Variants in AGXT2 observed in about 807,000 individuals in gnomAD.
The protein encoded by AGXT2 is alanine--glyoxylate aminotransferase 2, mitochondrial.
Under a neutral mutation model 62.5 loss-of-function variants are expected in AGXT2, and 61 were observed. The ratio of observed to expected loss-of-function variants is 0.98; its 90% confidence interval spans 0.79 to 1.21. The LOEUF is 1.21. Ranked by LOEUF, AGXT2 falls within the 50% of genes most tolerant of loss-of-function variation. The probability of loss-of-function intolerance (pLI) is 0.00; values close to 1 mark genes in which losing one functional copy is unlikely to be tolerated. For synonymous variants in AGXT2, 243 were observed against 218.7 expected, an observed-to-expected ratio of 1.11 and a Z score of -0.98; for missense variants, 666 against 641.5, an observed-to-expected ratio of 1.04 and a Z score of -0.41.
chr5:35,024,365 A>C lies in AGXT2; in HGVS notation c.963+1398T>G, dbSNP rs540483353. Among the ~76,000 whole-genome samples, 38 of 152,276 alleles carry C rather than the reference A, an allele frequency of 2.5e-4. No individual in the cohort carries two copies. In the East Asian group the frequency reaches 7.1e-3, roughly 29 times the overall value. On this transcript the variant is annotated intron_variant, in intron 9 of 13. Coordinates refer to ENST00000231420, the MANE Select transcript of AGXT2 (RefSeq NM_031900.4). ...AGACATGGCTTCGGTGGCCCTAGTG[A>C]TCATCCTCTGGTCTTTTAATCTCCA... is the stretch of plus-strand genomic sequence containing the variant.
intron 1 of AGXT2, among the ~76,000 whole-genome samples, chr5:35,044,355 G>C (rs1768103537): frequency 6.6e-6 from 1 of 152,164 alleles, no homozygotes; most frequent in East Asian, 1.9e-4. Flanking sequence ...TTCACACATG[G>C]GGCCGCAGTC....
Position 35,013,060 on chromosome 5 carries a change from TAGA to T in AGXT2, c.1097-18_1097-16del. On this transcript the variant is annotated splice_polypyrimidine_tract_variant and intron_variant, in intron 10 of 13. Transcript: ENST00000231420. ...TTTGGCAATCTCTAGAGGGAGAAAA[TAGA>T]AGGTGTGGAAAGAGGGACACATTCC... 6.5e-7 allele frequency: 1 copy of T among 1,550,266 alleles called. No homozygotes were observed. The highest frequency in any genetic ancestry group is 8.7e-7 in the Non-Finnish European group (1 of 1,145,798).
chr5:35,015,849 C>CAAAAAAAA (rs557021858), intron 9 of AGXT2, among the ~76,000 whole-genome samples: 1 of 69,492 alleles, frequency 1.4e-5, no homozygotes, highest in African/African-American at 6.2e-5. Flanking sequence ...GACTCCATCT[C>CAAAAAAAA]AAAAAAAAAA....
chr5:35,036,898 T>C (rs747086385), intron 4 of AGXT2, 44 bp downstream of exon 4: 2 of 1,612,732 alleles, frequency 1.2e-6, no homozygotes, highest in African/African-American at 2.7e-5. Context: ...CATACCTTTT[T>C]TTTTCCCCCA....
chr5:35,032,774 C>T lies in AGXT2; in HGVS notation c.727G>A (p.Asp243Asn), dbSNP rs1172712883. Reference sequence around the variant, plus strand: ...TTCCTGATTGTTTGCACTGGAGAATCTCGACAGTGGCTTCCTCCCCAAGGG... The same window carrying T: ...TTCCTGATTGTTTGCACTGGAGAATTTCGACAGTGGCTTCCTCCCCAAGGG... ...RGPWGGSHCR[D>N]SPVQTIRKCS... The change falls in exon 7 of 14, where the codon GAT becomes AAT. Residue 243 changes from aspartate (D) to asparagine (N), a missense_variant. Transcript: ENST00000231420. 1 of 1,609,978 alleles carries T rather than the reference C, an allele frequency of 6.2e-7. No homozygotes were observed. Among genetic ancestry groups the T allele is most frequent in the Non-Finnish European group, 8.5e-7 (1 of 1,178,098 alleles).
chr5:35,035,796 G>C (rs1274605773), intron 4 of AGXT2, among the ~76,000 whole-genome samples: 1 of 152,190 alleles, frequency 6.6e-6, no homozygotes. Context: ...AAGTAAACAA[G>C]CCGGGTGCGG....
chr5:35,043,345 G>T (rs1768058497), intron 1 of AGXT2, among the ~76,000 whole-genome samples: 1 of 152,200 alleles, frequency 6.6e-6, no homozygotes, highest in South Asian at 2.1e-4. Flanking sequence ...AATATGCAGT[G>T]GACACAGTGT....
chr5:35,019,670 A>G (rs371427950), intron 9 of AGXT2, among the ~76,000 whole-genome samples: 28 of 152,300 alleles, frequency 1.8e-4, no homozygotes, highest in Middle Eastern at 3.4e-3. Flanking sequence ...AAGAACTAGA[A>G]AAGCAAGAGA....
At chr5:35,047,068 CTTG>C (rs1477944382) in intron 1 of AGXT2, among the ~76,000 whole-genome samples, 1 of 152,180 alleles carries the variant, frequency 6.6e-6, no homozygotes, top group Non-Finnish European at 1.5e-5. Context: ...AATCACAGCA[CTTG>C]TTGGCAATTG....
At chr5:35,032,190 G>T (rs189268719) in intron 7 of AGXT2, among the ~76,000 whole-genome samples, 2 of 151,710 alleles carry the variant, frequency 1.3e-5, no homozygotes, top group East Asian at 3.9e-4. Context: ...GACCTCAGGT[G>T]ATCTGCCCGC....
chr5:35,037,398 T>C (rs1312026442), intron 3 of AGXT2, among the ~76,000 whole-genome samples: 1 of 152,198 alleles, frequency 6.6e-6, no homozygotes, highest in Non-Finnish European at 1.5e-5. Context: ...TTTTGAAGAG[T>C]TTGGAAAAAG....
rs975949703 is a variant in AGXT2 at position 34,998,624 on chromosome 5, C to G, written c.*95G>C. On this transcript the variant is annotated 3_prime_UTR_variant, in exon 14 of 14. Transcript: ENST00000231420. ...GCTCCTGTGGAGAGCTGCAGGCTTTCTCTGGATACCAGTGGTTCTGAAATT... is the reference window on the plus strand; with the variant it reads ...GCTCCTGTGGAGAGCTGCAGGCTTTGTCTGGATACCAGTGGTTCTGAAATT... 3 of 1,001,490 alleles carry G rather than the reference C, an allele frequency of 3.0e-6. No individual in the cohort carries two copies. The highest frequency in any genetic ancestry group is 4.6e-6 in the Non-Finnish European group (3 of 648,120). The allele number at this position is 1,001,490 out of a possible 1,614,324, so 62.0% of individuals were successfully genotyped here. A position where few individuals can be genotyped will look rare whatever the true frequency, so the allele number is the denominator to read the frequency against.
At chr5:35,042,089 C>T (rs1429330600) in intron 1 of AGXT2, among the ~76,000 whole-genome samples, 1 of 152,160 alleles carries the variant, frequency 6.6e-6, no homozygotes, top group African/African-American at 2.4e-5. Flanking sequence ...TCTTCAGTCT[C>T]ATTTTTCTAT....
intron 9 of AGXT2, among the ~76,000 whole-genome samples, chr5:35,024,172 T>C (rs1374645700): frequency 6.6e-6 from 1 of 152,098 alleles, no homozygotes; most frequent in Admixed American, 6.6e-5. Flanking sequence ...GGATGACAGA[T>C]GTGAGCCACT....
rs867774495 is a variant in AGXT2, at chr5:35,037,049, C to T, written c.379G>A (p.Ala127Thr). Reference sequence around the variant, plus strand: ...CACAGGCGGCCGAGCTGCTTTTGTGCCACTGCATTCACCTTTCTGGATAAG... The same window carrying T: ...CACAGGCGGCCGAGCTGCTTTTGTGTCACTGCATTCACCTTTCTGGATAAG... ...GHCHPKVNAV[A>T]QKQLGRLWHT... Residue 127 changes from alanine (A) to threonine (T), a missense_variant, in exon 4 of 14, where the codon GCA (alanine) becomes ACA (threonine). Ala to Thr is a moderately conservative substitution (Grantham distance 58, BLOSUM62 0). Transcript: ENST00000231420. 2 of 1,614,140 alleles carry T rather than the reference C, an allele frequency of 1.2e-6. No individual in the cohort carries two copies. Among genetic ancestry groups the T allele is most frequent in the Non-Finnish European group, 1.7e-6 (2 of 1,180,004 alleles).
At chr5:35,028,607 GAGAGAGAGAGAGAAA>G (rs761922154) in intron 7 of AGXT2, among the ~76,000 whole-genome samples, 8,748 of 74,546 alleles carry the variant, frequency 0.12, 1,082 homozygotes, top group East Asian at 0.26. Flanking sequence ...GAGAGAGAGA[GAGAGAGAGAGAGAAA>G]TTCTTCTACT....
intron 13 of AGXT2, among the ~76,000 whole-genome samples, chr5:35,000,922 A>G (rs1166198011): frequency 6.6e-6 from 1 of 152,216 alleles, no homozygotes. Context: ...ATTGTACATC[A>G]AGTATCTATA....
chr5:35,015,849 CAAAAAAAAAAAA>C (rs557021858), intron 9 of AGXT2, among the ~76,000 whole-genome samples: 1 of 69,516 alleles, frequency 1.4e-5, no homozygotes, highest in African/African-American at 6.2e-5. Context: ...GACTCCATCT[CAAAAAAAAAAAA>C]AAAAAAAAAA....
chr5:35,047,819 T>G lies in AGXT2; in HGVS notation c.74A>C (p.His25Pro), dbSNP rs1561240505. Residue 25 changes from histidine to proline, a missense_variant, in exon 1 of 14, where the codon CAT (histidine) becomes CCT (proline). Coordinates refer to ENST00000231420, the MANE Select transcript of AGXT2 (RefSeq NM_031900.4). ...VTSAPRILEM[H>P]PFLSLGTSRT... The stretch of plus-strand genomic sequence containing the variant: ...TTTCCACTTACGGCTCAGGAAAGGA[T>G]GCATCTCAAGGATCCTGGGAGCGGA... 6.2e-7 allele frequency: 1 copy of G among 1,614,062 alleles called. No homozygotes were observed. Among genetic ancestry groups the G allele is most frequent in the Non-Finnish European group, 8.5e-7 (1 of 1,180,008 alleles).
Sources: gnomAD v4.1 joint callset for allele counts (sites outside exome capture counted in the v4.1 genomes callset) on GRCh38, gnomAD v4.1.1 for gene constraint, MANE v1.5 for transcripts, NCBI Gene and HGNC (gene_info 2026-07-23, HGNC 2026-07-21) for gene names.